AMMECR1: variants seen among roughly 807,000 people sequenced by gnomAD.
The protein encoded by AMMECR1 is nuclear protein AMMECR1.
AMMECR1 carries 3 observed loss-of-function variants against 22.5 expected under a neutral mutation model. The ratio of observed to expected loss-of-function variants is 0.13; its 90% CI spans 0.06 to 0.35. The LOEUF is 0.35. Among genes scored for constraint, AMMECR1 ranks in the 10% least tolerant of loss-of-function variants. The probability of loss-of-function intolerance (pLI) is 1.00; values close to 1 mark genes in which losing one functional copy is unlikely to be tolerated. For missense variants in AMMECR1, 235 were observed against 278.7 expected, an observed-to-expected ratio of 0.84 and a Z score of 1.12; for synonymous variants, 130 against 116.7, an observed-to-expected ratio of 1.11 and a Z score of -0.74.
chrX:110,323,095 G>A (rs898646146), intron 2 of AMMECR1, among the ~76,000 whole-genome samples: 1 of 111,837 alleles, frequency 8.9e-6, no homozygotes, highest in Non-Finnish European at 1.9e-5. Flanking sequence ...GCCACTTGAC[G>A]GTCTTCTAAA....
Position 110,317,728 on chromosome X carries a change from G to C in AMMECR1, c.344C>G (p.Ser115Trp), listed in dbSNP as rs367648528. The change falls in exon 1 of 6, where the codon TCG (serine) becomes TGG (tryptophan). Residue 115 changes from serine (S) to tryptophan (W), a missense_variant. By Grantham distance (177) the Ser-to-Trp change is radical (BLOSUM62 -3). This residue lies in a region of AMMECR1 where 111 missense variants were observed against 181.7 expected (regional missense o/e 0.61). Coordinates refer to ENST00000262844, the MANE Select transcript of AMMECR1 (RefSeq NM_015365.3). ...SSSPSSSSAA[S>W]SSSPGSRKMV... ...CTTCCGGGAGCCCGGCGATGAGGACGAGGCGGCGGACGATGAGGAGGGTGA... is the reference window on the plus strand; with the variant it reads ...CTTCCGGGAGCCCGGCGATGAGGACCAGGCGGCGGACGATGAGGAGGGTGA... The C allele has an allele frequency of 4.2e-6, 5 of 1,197,611 alleles. No homozygotes were observed. Among genetic ancestry groups the C allele is most frequent in the Non-Finnish European group, 4.5e-6 (4 of 888,348 alleles).
chrX:110,299,836 G>C (rs764124369), intron 1 of AMMECR1, among the ~76,000 whole-genome samples: 6 of 111,772 alleles, frequency 5.4e-5, no homozygotes, highest in Non-Finnish European at 1.1e-4. Flanking sequence ...TTAGCATAAT[G>C]TTTTCCAGGT....
rs554107689 is a variant in AMMECR1, at chrX:110,379,132, C to T, written c.-148+47526G>A. Among the ~76,000 whole-genome samples, 18 of 111,740 alleles carry T rather than the reference C, an allele frequency of 1.6e-4. No homozygotes were observed. The Middle Eastern group carries it at 0.014, about 87-fold the overall frequency. ...TTCATGATACTCGTTATCATACCAC[C>T]CCCATCTGCTTTTCAGTGTACCTTT... On this transcript the variant is annotated intron_variant, in intron 2 of 7. Coordinates refer to the AMMECR1 transcript ENST00000372057.
rs189334701 is a variant in AMMECR1 at position 110,196,178 on chromosome X, T to C, written c.*2342A>G. On this transcript the variant is annotated 3_prime_UTR_variant, in exon 6 of 6. Coordinates refer to ENST00000262844, the MANE Select transcript of AMMECR1 (RefSeq NM_015365.3). ...GCACCGTTAAATAAACACACATATATGTATGTATGTATGTGTAAGTATATG... is the reference window on the plus strand; with the variant it reads ...GCACCGTTAAATAAACACACATATACGTATGTATGTATGTGTAAGTATATG... The C allele has an allele frequency of 9.0e-6, 1 of 111,359 alleles. No individual in the cohort carries two copies. The highest frequency in any genetic ancestry group is 3.3e-5 in the African/African-American group (1 of 30,657). 9.2% of individuals were successfully genotyped at this position (111,359 alleles called of 1,213,427 possible). A position where few individuals can be genotyped will look rare whatever the true frequency, so the allele number is the denominator to read the frequency against.
At chrX:110,304,528 T>G (rs1283051555) in intron 1 of AMMECR1, among the ~76,000 whole-genome samples, 1 of 112,298 alleles carries the variant, frequency 8.9e-6, no homozygotes, top group Non-Finnish European at 1.9e-5. Context: ...ACATAACCAA[T>G]GTTAATCTAA....
At position 110,196,145 on chromosome X, in the gene AMMECR1, A is replaced by C. The variant is rs1457503167; in HGVS notation, c.*2375T>G. ...TGACCAGTCACGTGACCTGCTCAAG[A>C]TTGATTAGCACCGTTAAATAAACAC... On this transcript the variant is annotated 3_prime_UTR_variant, in exon 6 of 6. Coordinates refer to ENST00000262844, the MANE Select transcript of AMMECR1 (RefSeq NM_015365.3). 2.7e-5 allele frequency: 3 copies of C among 111,429 alleles called. No homozygotes were observed. Among genetic ancestry groups the C allele is most frequent in the South Asian group, 3.8e-4 (1 of 2,663 alleles). 9.2% of individuals were successfully genotyped at this position (111,429 alleles called of 1,213,427 possible).
chrX:110,356,626 T>C (rs2148245338), intron 2 of AMMECR1, among the ~76,000 whole-genome samples: 1 of 111,791 alleles, frequency 8.9e-6, no homozygotes, highest in South Asian at 3.7e-4. Flanking sequence ...TGAATCTTTC[T>C]ATAATATACA....
chrX:110,416,335 T>C (rs756870137), intron 2 of AMMECR1, among the ~76,000 whole-genome samples: 3 of 112,308 alleles, frequency 2.7e-5, no homozygotes, highest in African/African-American at 9.7e-5. Flanking sequence ...TTATTTTGAT[T>C]TAACGAACCG....
intron 1 of AMMECR1, among the ~76,000 whole-genome samples, chrX:110,290,529 C>A (rs1254185993): frequency 9.0e-6 from 1 of 111,528 alleles, no homozygotes; most frequent in Non-Finnish European, 1.9e-5. Context: ...CATTTCCATT[C>A]TTGTGTGTTT....
At chrX:110,282,912 T>C (rs943638264) in intron 1 of AMMECR1, among the ~76,000 whole-genome samples, 3 of 111,932 alleles carry the variant, frequency 2.7e-5, no homozygotes, top group Non-Finnish European at 5.6e-5. Flanking sequence ...CCCAAGACAC[T>C]GTTAATATGG....
chrX:110,333,588 G>A (rs2068129566), intron 2 of AMMECR1, among the ~76,000 whole-genome samples: 1 of 111,690 alleles, frequency 9.0e-6, no homozygotes, highest in South Asian at 3.8e-4. Flanking sequence ...GCCCATCAAT[G>A]ATAGACTGGA....
intron 2 of AMMECR1, among the ~76,000 whole-genome samples, chrX:110,347,338 C>A (rs781230485): frequency 3.5e-4 from 39 of 112,583 alleles, no homozygotes; most frequent in African/African-American, 1.2e-3. Flanking sequence ...AATTAAAGTG[C>A]CTCATGTATA....
chrX:110,228,247 C>T (rs762647615), intron 2 of AMMECR1, among the ~76,000 whole-genome samples: 3 of 111,617 alleles, frequency 2.7e-5, no homozygotes, highest in Non-Finnish European at 5.6e-5. Context: ...AAACTCAAAA[C>T]AGCCCCATGA....
At position 110,376,389 on chromosome X, in the gene AMMECR1, C is replaced by T. The variant is rs141604269; in HGVS notation, c.-148+50269G>A. 3.6e-4 allele frequency among the ~76,000 whole-genome samples: 40 copies of T among 111,281 alleles called. No homozygotes were observed. In the East Asian group the frequency reaches 9.4e-3, roughly 26 times the overall value. On this transcript the variant is annotated intron_variant, in intron 2 of 7. Coordinates refer to the AMMECR1 transcript ENST00000372057. ...TCCAGACAGGGATGTCAGAGTGAGG[C>T]GTCAACATGAGCTGATGCACAGGAC...
Position 110,371,738 on chromosome X carries a change from CCA to C in AMMECR1, c.-147-53891_-147-53890del, listed in dbSNP as rs2068340326. Among the ~76,000 whole-genome samples, 4 of 111,053 alleles carry C rather than the reference CCA, an allele frequency of 3.6e-5. No individual in the cohort carries two copies. In the Admixed American group the frequency reaches 3.8e-4, roughly 11 times the overall value. ...TCCTGTTAGAAGGATCTGCTGTGAG[CCA>C]CAGACTTTTTTTTGGCAGTCATCTT... On this transcript the variant is annotated intron_variant, in intron 2 of 7. Transcript: ENST00000372057.
At chrX:110,307,370 C>T (rs1042071959) in intron 1 of AMMECR1, 5 of 111,275 alleles carry the variant, frequency 4.5e-5, no homozygotes, top group African/African-American at 1.6e-4. Context: ...ATTAAATTGA[C>T]CATAGTAGGT....
rs2068570590 is a variant in AMMECR1, at chrX:110,402,299, G to C, written c.-148+24359C>G. Among the ~76,000 whole-genome samples, 4 of 113,132 alleles carry C rather than the reference G, an allele frequency of 3.5e-5. No individual in the cohort carries two copies. The Admixed American group carries it at 3.7e-4, about 10-fold the overall frequency. ...AAATATTTGTTTTTTGCCTATGAGT[G>C]ATGCCAGAAACCGTCATGGTCGGCA... On this transcript the variant is annotated intron_variant, in intron 2 of 7. Transcript: ENST00000372057.
At chrX:110,270,078 C>T (rs776024445) in intron 1 of AMMECR1, among the ~76,000 whole-genome samples, 32 of 111,187 alleles carry the variant, frequency 2.9e-4, no homozygotes, top group African/African-American at 5.9e-4. Flanking sequence ...AGGGAGAGCA[C>T]GAGCTCTCCA....
chrX:110,368,404 C>T (rs1348052868), intron 2 of AMMECR1, among the ~76,000 whole-genome samples: 1 of 111,397 alleles, frequency 9.0e-6, no homozygotes, highest in East Asian at 2.8e-4. Context: ...TCTTTGATTA[C>T]TGAGATCAGC....
Sources: allele counts gnomAD v4.1 joint callset (sites outside exome capture counted in the v4.1 genomes callset), GRCh38; gene constraint gnomAD v4.1.1; regional missense constraint gnomAD v4.1.1; transcripts MANE v1.5; gene names NCBI Gene and HGNC (gene_info 2026-07-23, HGNC 2026-07-21).